WAC: variants seen among roughly 807,000 people sequenced by gnomAD.
WAC encodes WW domain-containing adapter protein with coiled-coil.
In WAC, 11 loss-of-function variants were observed where a neutral mutation model predicts 79.6. That is an observed-to-expected ratio of 0.14 (90% CI 0.09 to 0.23). WAC has a LOEUF of 0.23. WAC is among the 10% of genes least tolerant of loss of function. WAC has a pLI of 1.00. For synonymous variants in WAC, 304 were observed against 276.9 expected, an observed-to-expected ratio of 1.10 and a Z score of -0.97; for missense variants, 728 against 773.5, an observed-to-expected ratio of 0.94 and a Z score of 0.70.
chr10:28,562,180 C>T (rs1463572613), intron 3 of WAC, among the ~76,000 whole-genome samples: 1 of 152,128 alleles, frequency 6.6e-6, no homozygotes, highest in East Asian at 1.9e-4. Flanking sequence ...CCTCAACTTC[C>T]TGAGTAGCTG....
At chr10:28,570,946 CTTTTTTTTTTTTTTT>C (rs139500035) in intron 3 of WAC, among the ~76,000 whole-genome samples, 34 of 64,540 alleles carry the variant, frequency 5.3e-4, no homozygotes, top group African/African-American at 1.9e-3. Context: ...TAAAGATATA[CTTTTTTTTTTTTTTT>C]TTTTTTTTTT....
At chr10:28,585,074 AAAG>A (rs1453658940) in intron 4 of WAC, among the ~76,000 whole-genome samples, 1 of 152,174 alleles carries the variant, frequency 6.6e-6, no homozygotes, top group Non-Finnish European at 1.5e-5. Flanking sequence ...TCAAAAAAGA[AAAG>A]AAAATCATGT....
intron 3 of WAC, among the ~76,000 whole-genome samples, chr10:28,542,641 G>A (rs764947176): frequency 1.3e-5 from 2 of 152,166 alleles, no homozygotes; most frequent in Non-Finnish European, 2.9e-5. Context: ...TACCTGATAC[G>A]AGACAAAAAC....
At chr10:28,586,249 C>T (rs185331198) in intron 4 of WAC, among the ~76,000 whole-genome samples, 2 of 152,198 alleles carry the variant, frequency 1.3e-5, no homozygotes, top group East Asian at 3.9e-4. Flanking sequence ...TTTTCAGTAT[C>T]AGATTAAGGC....
chr10:28,578,931 G>T (rs1009791029), intron 3 of WAC, among the ~76,000 whole-genome samples: 2 of 152,090 alleles, frequency 1.3e-5, no homozygotes, highest in African/African-American at 4.8e-5. Context: ...CTAAGCACTG[G>T]AAGGGAGAAT....
intron 3 of WAC, among the ~76,000 whole-genome samples, chr10:28,540,650 G>A (rs989632850): frequency 3.3e-5 from 5 of 152,134 alleles, no homozygotes; most frequent in African/African-American, 4.8e-5. Context: ...ATACACTAAC[G>A]TTTGGATTTT....
chr10:28,612,511 A>G (rs1040223900), intron 10 of WAC, among the ~76,000 whole-genome samples: 1 of 152,220 alleles, frequency 6.6e-6, no homozygotes, highest in Non-Finnish European at 1.5e-5. Flanking sequence ...AGGTGCAGTT[A>G]GAAAATTGCT....
chr10:28,599,102 G>A (rs1049813508), intron 7 of WAC, among the ~76,000 whole-genome samples: 5 of 151,810 alleles, frequency 3.3e-5, no homozygotes, highest in Admixed American at 2.0e-4. Context: ...TTTTCTCAAC[G>A]GAGACATCCA....
intron 3 of WAC, among the ~76,000 whole-genome samples, chr10:28,543,936 C>G (rs574638213): frequency 6.6e-6 from 1 of 152,318 alleles, no homozygotes; most frequent in East Asian, 1.9e-4. Flanking sequence ...TCATCCCAGG[C>G]TGGAGTGCAG....
intron 3 of WAC, among the ~76,000 whole-genome samples, chr10:28,543,521 G>A (rs905077526): frequency 3.3e-5 from 5 of 152,180 alleles, no homozygotes; most frequent in Admixed American, 2.0e-4. Flanking sequence ...TTATTGAATT[G>A]GACAATGCGG....
chr10:28,593,340 A>G (rs1840193443), intron 6 of WAC, among the ~76,000 whole-genome samples: 3 of 152,170 alleles, frequency 2.0e-5, no homozygotes, highest in South Asian at 4.1e-4. Context: ...TTGACTACCA[A>G]TAAAAGAACT....
chr10:28,567,338 T>C (rs1025884176), intron 3 of WAC, among the ~76,000 whole-genome samples: 14 of 152,184 alleles, frequency 9.2e-5, no homozygotes, highest in African/African-American at 3.1e-4. Flanking sequence ...CCAGTGTGGA[T>C]AGTATGATTA....
chr10:28,609,585 G>C (rs1841125704), intron 8 of WAC, among the ~76,000 whole-genome samples: 1 of 152,090 alleles, frequency 6.6e-6, no homozygotes, highest in Non-Finnish European at 1.5e-5. Flanking sequence ...AGGCAAAGTG[G>C]GGCTTTTAGA....
In WAC at chr10:28,607,699, G is replaced by T. The variant is rs114447934; in HGVS notation, c.920-487G>T. 1.2e-3 allele frequency among the ~76,000 whole-genome samples: 179 copies of T among 152,242 alleles called. 1 individual carries two copies. The highest frequency in any genetic ancestry group is 4.2e-3 in the African/African-American group (173 of 41,554). On this transcript the variant is annotated intron_variant, in intron 7 of 13. Coordinates refer to ENST00000354911, the MANE Select transcript of WAC (RefSeq NM_016628.5). ...GCCCATTTTGGGTGTAACCACCTTGGTGTACCTACCCTGATTTGTATTAAG... is the reference window on the plus strand; with the variant it reads ...GCCCATTTTGGGTGTAACCACCTTGTTGTACCTACCCTGATTTGTATTAAG...
rs565790907 is a variant in WAC, at chr10:28,622,772, TTATTA to T, written c.*3168_*3172del. The T allele has an allele frequency of 1.2e-3, 177 of 152,272 alleles. No individual in the cohort carries two copies. Among genetic ancestry groups the T allele is most frequent in the African/African-American group, 4.2e-3 (173 of 41,540 alleles). The allele number at this position is 152,272 out of a possible 1,614,324, so 9.4% of individuals were successfully genotyped here. On this transcript the variant is annotated 3_prime_UTR_variant, in exon 14 of 14. Coordinates refer to ENST00000354911, the MANE Select transcript of WAC (RefSeq NM_016628.5). ...ATTGTTACCCATTTCCAAAAACAGT[TTATTA>T]TGTTCAAAAACCACCATATCTTTGA...
chr10:28,565,700 T>C, intron 3 of WAC, among the ~76,000 whole-genome samples: 1 of 152,248 alleles, frequency 6.6e-6, no homozygotes, highest in East Asian at 1.9e-4. Flanking sequence ...AAAAGGAATT[T>C]GCTAGATGCT....
intron 3 of WAC, among the ~76,000 whole-genome samples, chr10:28,551,784 T>TTGTGTGTGTGTG (rs71769370): frequency 0.053 from 6,668 of 124,650 alleles, 220 homozygotes; most frequent in South Asian, 0.062. Flanking sequence ...TCCTGTCTAC[T>TTGTGTGTGTGTG]TGTGTGTGTG....
chr10:28,608,747 C>G (rs542420110), intron 8 of WAC, among the ~76,000 whole-genome samples: 1 of 152,140 alleles, frequency 6.6e-6, no homozygotes, highest in South Asian at 2.1e-4. Flanking sequence ...TTAAAACAAT[C>G]GAGCGTTTGT....
At chr10:28,542,023 A>T (rs780363615) in intron 3 of WAC, among the ~76,000 whole-genome samples, 1 of 152,046 alleles carries the variant, frequency 6.6e-6, no homozygotes, top group South Asian at 2.1e-4. Context: ...ATCCTGTGTA[A>T]TCTGGTGTCT....
Sources: gnomAD v4.1 joint callset for allele counts (sites outside exome capture counted in the v4.1 genomes callset) on GRCh38, gnomAD v4.1.1 for gene constraint, MANE v1.5 for transcripts, NCBI Gene and HGNC (gene_info 2026-07-23, HGNC 2026-07-21) for gene names.